The following EPHA5 variants were observed in gnomAD, a reference collection of about 807,000 sequenced individuals.
EPHA5 encodes the protein EPH receptor A5.
EPHA5 carries 60 observed loss-of-function variants against 105.0 expected under a neutral mutation model. The ratio of observed to expected loss-of-function variants is 0.57; its 90% CI spans 0.46 to 0.71. EPHA5 has a LOEUF of 0.71. EPHA5 is among the 30% of genes least tolerant of loss of function. The pLI, the probability that EPHA5 is intolerant of heterozygous loss-of-function variation, is 0.00. For synonymous variants in EPHA5, 513 were observed against 449.1 expected (o/e 1.14, Z -1.80); for missense variants, 1,218 against 1,274.7 (o/e 0.96, Z 0.68).
At chr4:65,589,172 G>A (rs761872421) in intron 3 of EPHA5, among the ~76,000 whole-genome samples, 3 of 151,978 alleles carry the variant, frequency 2.0e-5, no homozygotes, top group Non-Finnish European at 4.4e-5. Context: ...CTCAGGGCCT[G>A]GTAATAAAGT....
chr4:65,600,519 T>A lies in EPHA5; in HGVS notation c.910+1122A>T, dbSNP rs569270554. On this transcript the variant is annotated intron_variant, in intron 3 of 16. Coordinates refer to ENST00000613740, the MANE Select transcript of EPHA5 (RefSeq NM_001281766.3). ...TAACCAAGTTATTATAATTTACAGGTAATTTCCCTAGTTTTGTTTCCCTGG... is the reference window on the plus strand; with the variant it reads ...TAACCAAGTTATTATAATTTACAGGAAATTTCCCTAGTTTTGTTTCCCTGG... 2.0e-5 allele frequency among the ~76,000 whole-genome samples: 3 copies of A among 152,246 alleles called. No individual in the cohort carries two copies. In the East Asian group the frequency reaches 5.8e-4, roughly 29 times the overall value.
chr4:65,397,671 A>C (rs2148971604), intron 8 of EPHA5, among the ~76,000 whole-genome samples: 1 of 151,780 alleles, frequency 6.6e-6, no homozygotes, highest in Admixed American at 6.6e-5. Flanking sequence ...ATGCACACTT[A>C]ACCTCCTTGT....
chr4:65,547,147 G>T (rs1171218357), intron 3 of EPHA5, among the ~76,000 whole-genome samples: 1 of 152,028 alleles, frequency 6.6e-6, no homozygotes, highest in Non-Finnish European at 1.5e-5. Flanking sequence ...GTAGGTGTTT[G>T]TGTGAAATGC....
chr4:65,361,729 G>C (rs760882997), intron 11 of EPHA5, among the ~76,000 whole-genome samples: 1 of 151,652 alleles, frequency 6.6e-6, no homozygotes, highest in Non-Finnish European at 1.5e-5. Flanking sequence ...GAAATAAAGA[G>C]AAAGACAGAG....
intron 5 of EPHA5, among the ~76,000 whole-genome samples, chr4:65,424,240 A>G (rs1445458492): frequency 1.3e-5 from 2 of 152,194 alleles, no homozygotes; most frequent in Non-Finnish European, 2.9e-5. Flanking sequence ...ATGATATACA[A>G]AATCCTGTCA....
chr4:65,420,150 T>C (rs1459975969), intron 6 of EPHA5, among the ~76,000 whole-genome samples: 5 of 152,178 alleles, frequency 3.3e-5, no homozygotes, highest in Non-Finnish European at 5.9e-5. Context: ...AGCTTAAGTA[T>C]TTGTAACACT....
intron 3 of EPHA5, among the ~76,000 whole-genome samples, chr4:65,570,857 A>G (rs952134308): frequency 5.9e-5 from 9 of 152,062 alleles, no homozygotes; most frequent in African/African-American, 1.9e-4. Context: ...TATTTTAATA[A>G]CAAACTTAAG....
At chr4:65,401,877 T>C (rs1365038422) in intron 8 of EPHA5, among the ~76,000 whole-genome samples, 2 of 148,868 alleles carry the variant, frequency 1.3e-5, no homozygotes, top group African/African-American at 5.1e-5. Flanking sequence ...ATTTCAGGTA[T>C]ATATAGAATT....
chr4:65,338,620 C>T lies in EPHA5; in HGVS notation c.2596-2495G>A, dbSNP rs1043413118. On this transcript the variant is annotated intron_variant, in intron 14 of 16. Transcript: ENST00000613740. ...TCGGGTAAATTTATACTTAGAAATA[C>T]AGTGCTCTGTCTCTATATCAACTTA... is the stretch of plus-strand genomic sequence containing the variant. Among the ~76,000 whole-genome samples the T allele has an allele frequency of 2.0e-5, 3 of 152,028 alleles. No individual in the cohort carries two copies. The South Asian group carries it at 6.2e-4, about 32-fold the overall frequency.
At chr4:65,506,083 G>T (rs140659588) in intron 3 of EPHA5, among the ~76,000 whole-genome samples, 1 of 152,032 alleles carries the variant, frequency 6.6e-6, no homozygotes, top group Non-Finnish European at 1.5e-5. Context: ...TCCCACCTAT[G>T]AGTGAGAACA....
intron 8 of EPHA5, among the ~76,000 whole-genome samples, chr4:65,369,334 C>G (rs1046282929): frequency 6.6e-6 from 1 of 151,992 alleles, no homozygotes; most frequent in Admixed American, 6.6e-5. Context: ...TAGTGAAACT[C>G]TAAAGAAGTG....
At chr4:65,440,989 T>C (rs750210819) in intron 5 of EPHA5, among the ~76,000 whole-genome samples, 3 of 152,156 alleles carry the variant, frequency 2.0e-5, no homozygotes, top group Non-Finnish European at 2.9e-5. Context: ...TTCCACCAGA[T>C]GTCATTTTGC....
At chr4:65,351,243 T>C in intron 13 of EPHA5, 146 bp downstream of exon 13, 1 of 673,500 alleles carries the variant, frequency 1.5e-6, no homozygotes, top group South Asian at 3.0e-5. Context: ...TTTTTGACTT[T>C]TGATTTTCTC....
Position 65,584,537 on chromosome 4 carries a change from T to C in EPHA5, c.910+17104A>G, listed in dbSNP as rs1171735620. On this transcript the variant is annotated intron_variant, in intron 3 of 16. Coordinates refer to ENST00000613740, the MANE Select transcript of EPHA5 (RefSeq NM_001281766.3). ...CCTAAACATATCAACTTTTCCTTTA[T>C]GACATATTTAAAAATAGTACAGCAA... Among the ~76,000 whole-genome samples the C allele has an allele frequency of 4.7e-4, 72 of 151,872 alleles. No individual in the cohort carries two copies. In the Admixed American group the frequency reaches 4.7e-3, roughly 10 times the overall value.
intron 16 of EPHA5, among the ~76,000 whole-genome samples, chr4:65,324,669 T>C (rs1185339439): frequency 2.1e-4 from 32 of 151,242 alleles, no homozygotes; most frequent in Non-Finnish European, 7.4e-5. Context: ...TGACTCATTC[T>C]ATACAGTAAT....
intron 3 of EPHA5, among the ~76,000 whole-genome samples, chr4:65,543,339 A>C (rs1737033672): frequency 6.6e-6 from 1 of 152,078 alleles, no homozygotes; most frequent in Non-Finnish European, 1.5e-5. Flanking sequence ...TCTCAGCCCC[A>C]AAACTCCTTA....
At chr4:65,368,151 T>C (rs1161882469) in intron 8 of EPHA5, among the ~76,000 whole-genome samples, 1 of 152,118 alleles carries the variant, frequency 6.6e-6, no homozygotes, top group African/African-American at 2.4e-5. Context: ...ACTACTTTTC[T>C]GATGCTTTTT....
At chr4:65,391,217 A>T (rs1304028316) in intron 8 of EPHA5, among the ~76,000 whole-genome samples, 1 of 152,004 alleles carries the variant, frequency 6.6e-6, no homozygotes, top group East Asian at 1.9e-4. Context: ...ATAATTCAAG[A>T]TGAGATTTGG....
intron 3 of EPHA5, among the ~76,000 whole-genome samples, chr4:65,515,183 T>G (rs1036203889): frequency 6.6e-6 from 1 of 152,204 alleles, no homozygotes; most frequent in African/African-American, 2.4e-5. Context: ...CATATTCAAC[T>G]GTCTTTACAC....
Sources: allele counts gnomAD v4.1 joint callset (sites outside exome capture counted in the v4.1 genomes callset), GRCh38; gene constraint gnomAD v4.1.1; transcripts MANE v1.5; gene names NCBI Gene and HGNC (gene_info 2026-07-23, HGNC 2026-07-21).